The following FOXK2 variants were observed in gnomAD, a reference collection of about 807,000 sequenced individuals.
FOXK2 encodes forkhead box K2, also known as forkhead box protein K2.
Under a neutral mutation model 53.3 loss-of-function variants are expected in FOXK2, and 24 were observed. The observed-to-expected ratio is 0.45, with a 90% CI of 0.33 to 0.63. The LOEUF is 0.63. Ranked by LOEUF, FOXK2 falls within the 30% of genes least tolerant of loss-of-function variation. The pLI, the probability that FOXK2 is intolerant of heterozygous loss-of-function variation, is 0.03. For missense variants in FOXK2, 952 were observed against 910.5 expected, an observed-to-expected ratio of 1.05 and a Z score of -0.59; for synonymous variants, 505 against 407.1, an observed-to-expected ratio of 1.24 and a Z score of -2.89.
rs761327350 is a variant in FOXK2 at position 82,586,194 on chromosome 17, G to A, written c.1570G>A (p.Val524Ile). 8 of 1,585,316 alleles carry A rather than the reference G, an allele frequency of 5.0e-6. No homozygotes were observed. The highest frequency in any genetic ancestry group is 6.8e-6 in the Non-Finnish European group (8 of 1,169,040). The change falls in exon 7 of 9, where the codon GTC becomes ATC. Residue 524 changes from valine to isoleucine, a missense_variant. Transcript: ENST00000335255. Reference sequence around the variant, plus strand: ...CCAGGAGAATGGAGACCACAGGGAAGTCAAAGGTAGGCGGAGGGGAAAGGA... The same window carrying A: ...CCAGGAGAATGGAGACCACAGGGAAATCAAAGGTAGGCGGAGGGGAAAGGA... ...EAQENGDHRE[V>I]KVKVEPIPAI...
chr17:82,526,764 G>C (rs2044422360), intron 1 of FOXK2, among the ~76,000 whole-genome samples: 1 of 151,694 alleles, frequency 6.6e-6, no homozygotes, highest in African/African-American at 2.4e-5. Context: ...CAGGAGATTG[G>C]AGCTTGCAGT....
At position 82,566,812 on chromosome 17, in the gene FOXK2, G is replaced by A. The variant is rs77530415; in HGVS notation, c.615-1242G>A. Among the ~76,000 whole-genome samples the A allele has an allele frequency of 8.7e-3, 1,331 of 152,222 alleles. 14 individuals carry two copies. Among genetic ancestry groups the A allele is most frequent in the Non-Finnish European group, 0.01 (709 of 68,016 alleles). On this transcript the variant is annotated intron_variant, in intron 2 of 8. Transcript: ENST00000335255. ...TTTGTCAGGGGGAACCCAGGTCCCC[G>A]GGGCCTCCAGGTGGAGCGAGCCTGA...
chr17:82,595,988 T>C, intron 8 of FOXK2: 1 of 1,168,224 alleles, frequency 8.6e-7, no homozygotes, highest in Non-Finnish European at 1.1e-6. Context: ...CGAGTCAGCG[T>C]AGGAGAAAGG....
chr17:82,540,728 A>G (rs2044567094), intron 1 of FOXK2, among the ~76,000 whole-genome samples: 1 of 152,110 alleles, frequency 6.6e-6, no homozygotes, highest in African/African-American at 2.4e-5. Context: ...CCATCTAGGG[A>G]GGGAGCAAAT....
Position 82,556,558 on chromosome 17 carries a change from TGCTGGGGCTGGG to T in FOXK2, c.420-6771_420-6760del, listed in dbSNP as rs372908472. ...AAAACACAGAGCACCTCCCTCACCTTGCTGGGGCTGGGGCTGGGGCTGGGGCTGGGGCTGGGC... is the reference window on the plus strand; with the variant it reads ...AAAACACAGAGCACCTCCCTCACCTTGCTGGGGCTGGGGCTGGGGCTGGGC... On this transcript the variant is annotated intron_variant, in intron 1 of 8. Transcript: ENST00000335255. Among the ~76,000 whole-genome samples the T allele has an allele frequency of 4.2e-3, 606 of 144,656 alleles. 7 individuals carry two copies. Among genetic ancestry groups the T allele is most frequent in the African/African-American group, 0.014 (541 of 39,372 alleles). The allele number at this position is 144,656 out of a possible 152,430, so 94.9% of individuals were successfully genotyped here.
chr17:82,587,571 C>T (rs940825614), intron 8 of FOXK2: 27 of 425,262 alleles, frequency 6.3e-5, no homozygotes, highest in Admixed American at 5.3e-4. Context: ...CCTGAAACGG[C>T]GGGAGCCGCC....
chr17:82,551,488 C>T (rs528939294), intron 1 of FOXK2, among the ~76,000 whole-genome samples: 1 of 152,062 alleles, frequency 6.6e-6, no homozygotes, highest in East Asian at 1.9e-4. Context: ...CCAGCCTGGC[C>T]ATCATGGTGA....
chr17:82,596,371 C>T (rs898647200), intron 8 of FOXK2, among the ~76,000 whole-genome samples: 1 of 117,316 alleles, frequency 8.5e-6, no homozygotes, highest in African/African-American at 2.9e-5. Context: ...TAGGGGGACC[C>T]TCAGAGCTTG....
At chr17:82,563,580 C>T (rs2044821537) in intron 2 of FOXK2, 32 bp downstream of exon 2, 1 of 1,581,170 alleles carries the variant, frequency 6.3e-7, no homozygotes, top group African/African-American at 1.3e-5. Context: ...ACTGGAGCAT[C>T]CTTAGTCCCA....
At chr17:82,554,610 G>C (rs1231648724) in intron 1 of FOXK2, among the ~76,000 whole-genome samples, 2 of 152,108 alleles carry the variant, frequency 1.3e-5, no homozygotes, top group African/African-American at 4.8e-5. Flanking sequence ...CTGCCACCTA[G>C]TGTTCCTTTC....
At chr17:82,570,389 C>T (rs537121301) in intron 3 of FOXK2, among the ~76,000 whole-genome samples, 36 of 152,218 alleles carry the variant, frequency 2.4e-4, no homozygotes, top group Non-Finnish European at 4.6e-4. Context: ...GCTGCTGGGG[C>T]GGCTGAGGTG....
At chr17:82,542,949 T>C (rs1029155623) in intron 1 of FOXK2, among the ~76,000 whole-genome samples, 5 of 152,046 alleles carry the variant, frequency 3.3e-5, no homozygotes, top group East Asian at 3.9e-4. Context: ...GCCCAGGAGG[T>C]TGAGGCTGCA....
At chr17:82,524,850 C>T (rs897589977) in intron 1 of FOXK2, among the ~76,000 whole-genome samples, 7 of 152,140 alleles carry the variant, frequency 4.6e-5, no homozygotes, top group African/African-American at 1.7e-4. Context: ...TAGCCTGGCT[C>T]TGGAGAACCT....
intron 1 of FOXK2, among the ~76,000 whole-genome samples, chr17:82,527,488 G>A (rs56306905): frequency 0.044 from 6,658 of 152,108 alleles, 209 homozygotes; most frequent in South Asian, 0.093. Context: ...AATTAACTGG[G>A]CATGGTGGCG....
intron 1 of FOXK2, among the ~76,000 whole-genome samples, chr17:82,560,010 T>TC (rs1376180079): frequency 6.8e-6 from 1 of 147,276 alleles, no homozygotes; most frequent in East Asian, 2.0e-4. Flanking sequence ...ACTTTTTTTT[T>TC]TTTTTTTTTT....
intron 1 of FOXK2, among the ~76,000 whole-genome samples, chr17:82,541,710 A>C (rs2044576232): frequency 6.6e-6 from 1 of 151,170 alleles, no homozygotes; most frequent in Admixed American, 6.6e-5. Flanking sequence ...AGAGGTAGGA[A>C]GGGTGATTTT....
intron 1 of FOXK2, among the ~76,000 whole-genome samples, chr17:82,554,748 T>TC (rs1007242644): frequency 6.6e-5 from 10 of 151,280 alleles, no homozygotes; most frequent in Admixed American, 1.3e-4. Flanking sequence ...GTTTTTTTTT[T>TC]TTTTCTTTTT....
intron 2 of FOXK2, among the ~76,000 whole-genome samples, chr17:82,564,483 G>A (rs1329248308): frequency 1.3e-5 from 2 of 151,798 alleles, no homozygotes; most frequent in African/African-American, 4.8e-5. Flanking sequence ...TGATCCTCCC[G>A]CCTTGACCTT....
intron 1 of FOXK2, among the ~76,000 whole-genome samples, chr17:82,531,164 A>G (rs2044469142): frequency 6.6e-6 from 1 of 152,090 alleles, no homozygotes. Context: ...TTTACATTGT[A>G]CACTTCCTGG....
Sources: allele counts gnomAD v4.1 joint callset (sites outside exome capture counted in the v4.1 genomes callset), GRCh38; gene constraint gnomAD v4.1.1; transcripts MANE v1.5; gene names NCBI Gene and HGNC (gene_info 2026-07-23, HGNC 2026-07-21).